TENM3: variants seen among roughly 807,000 people sequenced by gnomAD.
TENM3 encodes teneurin transmembrane protein 3.
A neutral mutation model predicts 255.1 loss-of-function variants in TENM3; 63 were observed. The ratio of observed to expected loss-of-function variants is 0.25; its 90% CI spans 0.20 to 0.30. The LOEUF is 0.30. Ranked by LOEUF, TENM3 falls within the 10% of genes least tolerant of loss-of-function variation. The pLI, the probability that TENM3 is intolerant of heterozygous loss-of-function variation, is 1.00. For missense variants in TENM3, 2,929 were observed against 3,461.1 expected, an observed-to-expected ratio of 0.85 and a Z score of 3.86; for synonymous variants, 1,306 against 1,322.3, an observed-to-expected ratio of 0.99 and a Z score of 0.27.
At chr4:182,524,744 A>T (rs1244712382) in intron 3 of TENM3, among the ~76,000 whole-genome samples, 1 of 151,108 alleles carries the variant, frequency 6.6e-6, no homozygotes, top group Non-Finnish European at 1.5e-5. Flanking sequence ...GGGGCCAGGC[A>T]CAGTGGCTCA....
the TENM3 span, among the ~76,000 whole-genome samples, chr4:181,953,516 C>G: frequency 6.6e-6 from 1 of 151,998 alleles, no homozygotes; most frequent in South Asian, 2.1e-4. Context: ...ACACCACCAG[C>G]TCATACTTAC....
chr4:182,122,712 A>G, the TENM3 span, among the ~76,000 whole-genome samples: 1 of 152,214 alleles, frequency 6.6e-6, no homozygotes, highest in Middle Eastern at 3.2e-3. Context: ...TTGGAATGAT[A>G]AATGAGCATT....
At position 182,324,107 on chromosome 4, in the gene TENM3, C is replaced by A. The variant is rs567058789; in HGVS notation, c.87C>A (p.Asp29Glu). ...KERRYTNSSA[D>E]NEECRVPTQK... is the part of the protein sequence containing the mutation. ...GGCGCTACACAAATTCCTCCGCAGACAATGAGGAGTGCCGGGTACCCACAC... is the reference window on the plus strand; with the variant it reads ...GGCGCTACACAAATTCCTCCGCAGAAAATGAGGAGTGCCGGGTACCCACAC... The change falls in exon 2 of 28, where the codon GAC becomes GAA. Residue 29 changes from aspartate (D) to glutamate (E), a missense_variant. Asp to Glu is a conservative substitution (Grantham distance 45). Around this residue, in one of 6 missense-constraint regions of TENM3, gnomAD observed 283 missense variants for 256.9 expected, o/e 1.10. Transcript: ENST00000511685. 1 of 1,613,970 alleles carries A rather than the reference C, an allele frequency of 6.2e-7. No homozygotes were observed. Among genetic ancestry groups the A allele is most frequent in the East Asian group, 2.2e-5 (1 of 44,864 alleles).
chr4:182,036,272 C>T, the TENM3 span, among the ~76,000 whole-genome samples: 1 of 152,060 alleles, frequency 6.6e-6, no homozygotes, highest in South Asian at 2.1e-4. Context: ...CTTACTGCAA[C>T]CTCCACCTCC....
At chr4:181,452,486 T>A in the TENM3 span, among the ~76,000 whole-genome samples, 39,573 of 151,892 alleles carry the variant, frequency 0.26, 5,379 homozygotes, top group Middle Eastern at 0.34. Context: ...ATCTGATGGT[T>A]GTGTAAGGAG....
chr4:182,413,547 C>T (rs1007482123), intron 3 of TENM3, among the ~76,000 whole-genome samples: 9 of 150,692 alleles, frequency 6.0e-5, no homozygotes, highest in African/African-American at 1.7e-4. Context: ...GCCTGGGAAG[C>T]GGAGGTTGCA....
At chr4:181,584,787 A>G in the TENM3 span, among the ~76,000 whole-genome samples, 1 of 152,170 alleles carries the variant, frequency 6.6e-6, no homozygotes, top group Non-Finnish European at 1.5e-5. Context: ...ATTAGTAACA[A>G]TAGCAACATG....
the TENM3 span, among the ~76,000 whole-genome samples, chr4:181,625,257 A>T: frequency 6.6e-6 from 1 of 152,150 alleles, no homozygotes; most frequent in Admixed American, 6.5e-5. Context: ...CGCCTTGAGA[A>T]TGCATAACCA....
At chr4:182,693,942 A>T (rs1757193942) in intron 12 of TENM3, among the ~76,000 whole-genome samples, 1 of 152,204 alleles carries the variant, frequency 6.6e-6, no homozygotes, top group South Asian at 2.1e-4. Context: ...CAAAAACAAG[A>T]ACAACAGAAC....
the TENM3 span, among the ~76,000 whole-genome samples, chr4:181,771,040 T>TC: frequency 6.6e-6 from 1 of 152,330 alleles, no homozygotes; most frequent in Non-Finnish European, 1.5e-5. Context: ...GAATGGGTGT[T>TC]CAGTCCGGGT....
rs765305130 is a variant in TENM3, at chr4:182,730,951, C to G, written c.2779C>G (p.His927Asp). 6.2e-7 allele frequency: 1 copy of G among 1,612,794 alleles called. No homozygotes were observed. Among genetic ancestry groups the G allele is most frequent in the Non-Finnish European group, 8.5e-7 (1 of 1,178,804 alleles). The change falls in exon 16 of 28, where the codon CAT (histidine) becomes GAT (aspartate). Residue 927 changes from histidine (H) to aspartate (D), a missense_variant. This residue lies in a region of TENM3 where 1,608 missense variants were observed against 1,884.4 expected (regional missense o/e 0.85). Coordinates refer to ENST00000511685, the MANE Select transcript of TENM3 (RefSeq NM_001080477.4). ...FERSPFLTQY[H>D]TVWIPWNVFY... is the part of the protein sequence containing the mutation. The stretch of plus-strand genomic sequence containing the variant: ...ACGATCCCCATTCCTCACTCAGTAT[C>G]ATACTGTGTGGATTCCATGGAATGT...
the TENM3 span, chr4:181,820,363 A>G: frequency 6.6e-5 from 10 of 152,108 alleles, no homozygotes; most frequent in African/African-American, 2.4e-4. Context: ...AGACTCCAAT[A>G]ATTTGGGCTA....
At chr4:182,427,912 T>TA (rs1771347692) in intron 3 of TENM3, among the ~76,000 whole-genome samples, 1 of 151,328 alleles carries the variant, frequency 6.6e-6, no homozygotes, top group Non-Finnish European at 1.5e-5. Flanking sequence ...AGTGACTTTT[T>TA]ATCCCACCTC....
At chr4:181,915,758 G>T in the TENM3 span, among the ~76,000 whole-genome samples, 138 of 151,968 alleles carry the variant, frequency 9.1e-4, no homozygotes, top group Middle Eastern at 3.4e-3. Flanking sequence ...TGACTGTGAG[G>T]AACAGGAAGG....
chr4:182,432,528 G>T (rs1333859105), intron 3 of TENM3, among the ~76,000 whole-genome samples: 2 of 152,164 alleles, frequency 1.3e-5, no homozygotes, highest in African/African-American at 4.8e-5. Context: ...TGATAATTAT[G>T]TTTTCTTCAT....
chr4:182,047,609 G>A, the TENM3 span, among the ~76,000 whole-genome samples: 2 of 147,668 alleles, frequency 1.4e-5, no homozygotes, highest in Non-Finnish European at 3.0e-5. Flanking sequence ...CCATTTTCCC[G>A]GGAAATAATA....
chr4:182,107,315 A>G, the TENM3 span, among the ~76,000 whole-genome samples: 1 of 152,102 alleles, frequency 6.6e-6, no homozygotes, highest in East Asian at 1.9e-4. Context: ...CTCATGCCTT[A>G]ATTGCACCGC....
At chr4:182,486,317 G>GTTT (rs530127032) in intron 3 of TENM3, among the ~76,000 whole-genome samples, 1 of 148,256 alleles carries the variant, frequency 6.7e-6, no homozygotes, top group Non-Finnish European at 1.5e-5. Flanking sequence ...ATTGTGTGTG[G>GTTT]GGGGGAGGGT....
At chr4:182,353,372 T>C (rs1380329064) in intron 3 of TENM3, among the ~76,000 whole-genome samples, 4 of 152,184 alleles carry the variant, frequency 2.6e-5, no homozygotes, top group African/African-American at 9.6e-5. Flanking sequence ...GTAATGGTCA[T>C]TTCTGGCATG....
Sources: allele counts gnomAD v4.1 joint callset (sites outside exome capture counted in the v4.1 genomes callset), GRCh38; gene constraint gnomAD v4.1.1; regional missense constraint gnomAD v4.1.1; transcripts MANE v1.5; gene names NCBI Gene and HGNC (gene_info 2026-07-23, HGNC 2026-07-21).